Variants in FAM168A observed in about 807,000 individuals in gnomAD.
FAM168A encodes the protein family with sequence similarity 168 member A, also known as protein FAM168A.
A neutral mutation model predicts 28.5 loss-of-function variants in FAM168A; 3 were observed. The observed-to-expected ratio is 0.11, with a 90% CI of 0.05 to 0.27. The LOEUF is 0.27. FAM168A is among the 10% of genes least tolerant of loss of function. FAM168A has a pLI of 1.00. For synonymous variants in FAM168A, 122 were observed against 124.2 expected (o/e 0.98, Z 0.12); for missense variants, 222 against 311.5 (o/e 0.71, Z 2.16).
At chr11:73,468,288 C>T (rs1420048426) in intron 2 of FAM168A, 117 bp downstream of exon 2, 13 of 857,490 alleles carry the variant, frequency 1.5e-5, no homozygotes, top group Middle Eastern at 6.1e-4. Flanking sequence ...ATATCTTCTG[C>T]ATGTTCCCAA....
At position 73,477,726 on chromosome 11, in the gene FAM168A, C is replaced by G. The variant is rs1441910171; in HGVS notation, c.-18-9234G>C. On this transcript the variant is annotated intron_variant, in intron 1 of 7. Transcript: ENST00000356467. The stretch of plus-strand genomic sequence containing the variant: ...AACCTGTCAACCAAGAATTCTAAAT[C>G]CAGCAAAACTATCCTTTGAAACTGA... 2.0e-5 allele frequency among the ~76,000 whole-genome samples: 3 copies of G among 152,134 alleles called. No individual in the cohort carries two copies. The South Asian group carries it at 6.2e-4, about 32-fold the overall frequency.
In FAM168A at chr11:73,598,016, C is replaced by G. The variant is rs1400707361; in HGVS notation, c.-112G>C. On this transcript the variant is annotated 5_prime_UTR_variant, in exon 1 of 8. Transcript: ENST00000356467. ...AGGCTACGGCGGCGACGCTCTCGCC[C>G]GTGTCCAGTAGGGTGGCGGATGGCG... 6.5e-6 allele frequency: 1 copy of G among 153,270 alleles called. No homozygotes were observed. The highest frequency in any genetic ancestry group is 6.5e-5 in the Admixed American group (1 of 15,290). 9.5% of individuals were successfully genotyped at this position (153,270 alleles called of 1,614,324 possible).
At chr11:73,556,735 T>A (rs1042770258) in intron 1 of FAM168A, among the ~76,000 whole-genome samples, 1 of 151,944 alleles carries the variant, frequency 6.6e-6, no homozygotes, top group Admixed American at 6.6e-5. Context: ...AAAAAAAAAT[T>A]GAGGGCCAGG....
intron 2 of FAM168A, among the ~76,000 whole-genome samples, chr11:73,437,121 C>CG (rs1274958432): frequency 6.6e-6 from 1 of 151,386 alleles, no homozygotes; most frequent in African/African-American, 2.4e-5. Flanking sequence ...TTTTCCAAGA[C>CG]GGAGTCTTGC....
At chr11:73,582,087 T>A (rs1339768075) in intron 1 of FAM168A, among the ~76,000 whole-genome samples, 2 of 152,130 alleles carry the variant, frequency 1.3e-5, no homozygotes, top group African/African-American at 2.4e-5. Flanking sequence ...ACCTTACTCA[T>A]CTCCGTGTAT....
intron 1 of FAM168A, among the ~76,000 whole-genome samples, chr11:73,559,171 G>A (rs562345692): frequency 6.6e-6 from 1 of 152,162 alleles, no homozygotes; most frequent in Non-Finnish European, 1.5e-5. Flanking sequence ...ACTTTGGGAC[G>A]CCGAGGCAGG....
intron 1 of FAM168A, among the ~76,000 whole-genome samples, chr11:73,512,721 T>C (rs1420679564): frequency 6.6e-6 from 1 of 152,038 alleles, no homozygotes; most frequent in Non-Finnish European, 1.5e-5. Context: ...TATTCTATAC[T>C]AAAAAGTTAA....
At chr11:73,597,456 C>A (rs936561272) in intron 1 of FAM168A, among the ~76,000 whole-genome samples, 5 of 151,946 alleles carry the variant, frequency 3.3e-5, no homozygotes, top group African/African-American at 1.2e-4. Context: ...CCTAACCAAC[C>A]CTGTACATGC....
intron 2 of FAM168A, among the ~76,000 whole-genome samples, chr11:73,436,784 CAG>C (rs1373721187): frequency 6.6e-6 from 1 of 152,202 alleles, no homozygotes; most frequent in African/African-American, 2.4e-5. Flanking sequence ...TGAGTCTACT[CAG>C]AGAAAATCTC....
intron 1 of FAM168A, among the ~76,000 whole-genome samples, chr11:73,489,635 C>T (rs762505121): frequency 6.6e-6 from 1 of 151,984 alleles, no homozygotes; most frequent in South Asian, 2.1e-4. Flanking sequence ...CTCAGCCTCC[C>T]GAGTAGCTGG....
intron 2 of FAM168A, among the ~76,000 whole-genome samples, chr11:73,451,328 C>T (rs1867425333): frequency 6.6e-6 from 1 of 152,134 alleles, no homozygotes; most frequent in Admixed American, 6.5e-5. Flanking sequence ...AAGCCTATTC[C>T]AAACTCTCAG....
chr11:73,571,976 C>T (rs1264452778), intron 1 of FAM168A, among the ~76,000 whole-genome samples: 1 of 150,804 alleles, frequency 6.6e-6, no homozygotes, highest in African/African-American at 2.4e-5. Flanking sequence ...CGTCTCTGCC[C>T]AGCCGCCCCG....
At chr11:73,569,504 G>T (rs981218354) in intron 1 of FAM168A, among the ~76,000 whole-genome samples, 3 of 152,134 alleles carry the variant, frequency 2.0e-5, no homozygotes, top group Admixed American at 2.0e-4. Context: ...TTTTACATAC[G>T]AAAAAGACTA....
At chr11:73,493,041 T>G (rs1854788634) in intron 1 of FAM168A, among the ~76,000 whole-genome samples, 1 of 152,068 alleles carries the variant, frequency 6.6e-6, no homozygotes, top group Non-Finnish European at 1.5e-5. Flanking sequence ...TGGAGAAGGA[T>G]GGACTGAAAA....
intron 1 of FAM168A, among the ~76,000 whole-genome samples, chr11:73,588,227 A>C (rs985044030): frequency 1.3e-5 from 2 of 152,220 alleles, no homozygotes; most frequent in Non-Finnish European, 2.9e-5. Flanking sequence ...TTTGGCAGAC[A>C]ATTTTTTGAA....
intron 2 of FAM168A, among the ~76,000 whole-genome samples, chr11:73,461,194 G>A (rs1477937865): frequency 6.6e-6 from 1 of 152,072 alleles, no homozygotes; most frequent in Non-Finnish European, 1.5e-5. Context: ...ATGGCTCACT[G>A]AAGCCTTGAC....
chr11:73,496,903 A>ACACACACACG (rs1555027763), intron 1 of FAM168A, among the ~76,000 whole-genome samples: 6 of 148,496 alleles, frequency 4.0e-5, no homozygotes, highest in South Asian at 2.1e-4. Flanking sequence ...ACACACACAC[A>ACACACACACG]CACGCACACA....
intron 2 of FAM168A, among the ~76,000 whole-genome samples, chr11:73,450,872 A>G (rs193257934): frequency 1.2e-3 from 186 of 152,324 alleles, no homozygotes; most frequent in African/African-American, 4.3e-3. Flanking sequence ...AAGAAAGGAC[A>G]AGTCTACAGT....
chr11:73,514,445 TTAAC>T (rs1170834663), intron 1 of FAM168A, among the ~76,000 whole-genome samples: 4 of 152,222 alleles, frequency 2.6e-5, no homozygotes, highest in African/African-American at 9.7e-5. Context: ...AAATTGTGCT[TTAAC>T]TAGTTTAGAA....
Sources: gnomAD v4.1 joint callset for allele counts (sites outside exome capture counted in the v4.1 genomes callset) on GRCh38, gnomAD v4.1.1 for gene constraint, MANE v1.5 for transcripts, NCBI Gene and HGNC (gene_info 2026-07-23, HGNC 2026-07-21) for gene names.